The following UPRT variants were observed in gnomAD, a reference collection of about 807,000 sequenced individuals.
UPRT encodes the protein uracil phosphoribosyltransferase homolog.
A neutral mutation model predicts 22.6 loss-of-function variants in UPRT; 5 were observed. The observed-to-expected ratio is 0.22, with a 90% CI of 0.12 to 0.47. The LOEUF (loss-of-function observed/expected upper bound fraction) is 0.47, where lower values mean the gene tolerates loss of function less well. Ranked by LOEUF, UPRT falls within the 20% of genes least tolerant of loss-of-function variation. UPRT has a pLI of 0.99. For synonymous variants in UPRT, 77 were observed against 87.7 expected (o/e 0.88, Z 0.68); for missense variants, 181 against 239.9 (o/e 0.75, Z 1.62).
At chrX:75,176,464 G>A (rs1412383924) in intron 4 of UPRT, among the ~76,000 whole-genome samples, 1 of 111,654 alleles carries the variant, frequency 9.0e-6, no homozygotes, top group African/African-American at 3.3e-5. Context: ...GGACATCTAT[G>A]TACCTATCAG....
At chrX:75,246,610 G>A (rs1000107811) in intron 4 of UPRT, among the ~76,000 whole-genome samples, 1 of 111,273 alleles carries the variant, frequency 9.0e-6, no homozygotes, top group Non-Finnish European at 1.9e-5. Flanking sequence ...AATCCTTTGG[G>A]TATATACCCA....
chrX:75,250,370 A>G (rs1182012068), intron 4 of UPRT, among the ~76,000 whole-genome samples: 1 of 110,900 alleles, frequency 9.0e-6, no homozygotes, highest in Non-Finnish European at 1.9e-5. Flanking sequence ...AAAAAGTAAT[A>G]AAGGGGATAT....
chrX:75,269,109 C>T (rs1259545615), upstream of UPRT, among the ~76,000 whole-genome samples: 1 of 110,706 alleles, frequency 9.0e-6, no homozygotes, highest in African/African-American at 3.3e-5. Flanking sequence ...TTCCTATACA[C>T]CAATAACAGA....
At chrX:75,249,532 C>A (rs2082520600) in intron 4 of UPRT, among the ~76,000 whole-genome samples, 2 of 111,432 alleles carry the variant, frequency 1.8e-5, no homozygotes, top group South Asian at 3.8e-4. Flanking sequence ...TATATGCACC[C>A]AATACAGGAG....
chrX:75,178,172 C>T (rs779717628), intron 4 of UPRT, among the ~76,000 whole-genome samples: 70 of 112,137 alleles, frequency 6.2e-4, no homozygotes, highest in Non-Finnish European at 1.2e-3. Flanking sequence ...GTCCCAACTC[C>T]GAAGAGTCGG....
At chrX:75,162,199 G>A (rs1259924576) in intron 2 of UPRT, among the ~76,000 whole-genome samples, 1 of 105,784 alleles carries the variant, frequency 9.5e-6, no homozygotes, top group Non-Finnish European at 1.9e-5. Context: ...TGATCCACCC[G>A]CCTCAGCCTC....
intron 4 of UPRT, among the ~76,000 whole-genome samples, chrX:75,226,141 C>T (rs1234298631): frequency 9.0e-6 from 1 of 111,030 alleles, no homozygotes; most frequent in Non-Finnish European, 1.9e-5. Context: ...CCTCCTTATC[C>T]CACATGCAAT....
rs1189873403 is a variant in UPRT at position 75,207,149 on chromosome X, T to G, written c.-447+39270T>G. Among the ~76,000 whole-genome samples, 7 of 112,318 alleles carry G rather than the reference T, an allele frequency of 6.2e-5. No individual in the cohort carries two copies. The Admixed American group carries it at 6.6e-4, about 11-fold the overall frequency. ...TTTCTATGGGTGTTCCTTTTGTAGT[T>G]AGAAAACCCCTTTCCTGTCAGATTA... On this transcript the variant is annotated intron_variant, in intron 4 of 13. Transcript: ENST00000652605.
intron 4 of UPRT, chrX:75,201,378 A>G (rs2082346852): frequency 8.9e-6 from 1 of 112,508 alleles, no homozygotes; most frequent in Admixed American, 9.4e-5. Context: ...GAACTTCAAT[A>G]AACTGCAAGT....
chrX:75,284,007 T>C (rs150128445), intron 1 of UPRT, among the ~76,000 whole-genome samples: 25 of 111,897 alleles, frequency 2.2e-4, no homozygotes, highest in African/African-American at 7.8e-4. Flanking sequence ...TCTTTTTTCT[T>C]TGTCTTTGTT....
chrX:75,199,408 A>G (rs2082341650), intron 4 of UPRT, among the ~76,000 whole-genome samples: 1 of 111,470 alleles, frequency 9.0e-6, no homozygotes, highest in South Asian at 3.8e-4. Context: ...ATATCTAGAT[A>G]TATCCTGGGA....
chrX:75,251,509 C>T (rs375996612), intron 4 of UPRT, among the ~76,000 whole-genome samples: 26 of 110,811 alleles, frequency 2.3e-4, no homozygotes, highest in East Asian at 5.7e-4. Context: ...TTACAAGGGA[C>T]GTGAAGGACC....
At chrX:75,293,196 A>T (rs1327220745) in intron 1 of UPRT, among the ~76,000 whole-genome samples, 2 of 110,969 alleles carry the variant, frequency 1.8e-5, no homozygotes, top group African/African-American at 6.5e-5. Flanking sequence ...CTCCCGGTTG[A>T]CTAATATGTA....
chrX:75,268,618 A>G lies in UPRT; in HGVS notation c.-446-22406A>G, dbSNP rs189118185. ...GCTGGTTCAACATATGCAAATCAAT[A>G]AATGTAACTCATCAGATAAACAGAA... On this transcript the variant is annotated intron_variant, in intron 4 of 13. Transcript: ENST00000652605. Among the ~76,000 whole-genome samples the G allele has an allele frequency of 3.4e-3, 381 of 112,045 alleles. 2 individuals carry two copies. Among genetic ancestry groups the G allele is most frequent in the African/African-American group, 0.012 (365 of 30,880 alleles).
intron 4 of UPRT, among the ~76,000 whole-genome samples, chrX:75,173,593 G>A (rs369739196): frequency 5.3e-5 from 6 of 112,700 alleles, no homozygotes; most frequent in African/African-American, 9.7e-5. Context: ...CGCACCGTGC[G>A]CTCACACTCC....
At chrX:75,174,940 CTT>C (rs2082242058) in intron 4 of UPRT, among the ~76,000 whole-genome samples, 1 of 110,869 alleles carries the variant, frequency 9.0e-6, no homozygotes, top group South Asian at 3.9e-4. Flanking sequence ...TTAACTCTCT[CTT>C]TGACTTTCTG....
At chrX:75,226,117 C>A (rs2082423310) in intron 4 of UPRT, among the ~76,000 whole-genome samples, 1 of 111,033 alleles carries the variant, frequency 9.0e-6, no homozygotes, top group African/African-American at 3.3e-5. Flanking sequence ...TGGTATTATT[C>A]TTGACTCTTT....
intron 4 of UPRT, among the ~76,000 whole-genome samples, chrX:75,231,458 T>G (rs910210666): frequency 1.8e-5 from 2 of 112,439 alleles, no homozygotes; most frequent in Non-Finnish European, 3.8e-5. Flanking sequence ...TTATGTTAGA[T>G]GACCAAACAT....
rs148628716 is a variant in UPRT at position 75,175,842 on chromosome X, C to T, written c.-447+7963C>T. On this transcript the variant is annotated intron_variant, in intron 4 of 13. Transcript: ENST00000652605. ...TGTCTGAGGGCCATGACTAAGGCTG[C>T]GGCCTTTCTCTGATCTCGCTTTTCC... Among the ~76,000 whole-genome samples the T allele has an allele frequency of 6.3e-4, 70 of 111,639 alleles. 1 individual carries two copies. In the East Asian group the frequency reaches 0.018, roughly 29 times the overall value.
Sources: gnomAD v4.1 joint callset for allele counts (sites outside exome capture counted in the v4.1 genomes callset) on GRCh38, gnomAD v4.1.1 for gene constraint, MANE v1.5 for transcripts, NCBI Gene and HGNC (gene_info 2026-07-23, HGNC 2026-07-21) for gene names.